Variants in ZNF558 observed in about 807,000 individuals in gnomAD.
The protein encoded by ZNF558 is zinc finger protein 558.
ZNF558 carries 23 observed loss-of-function variants against 37.6 expected under a neutral mutation model. That is an observed-to-expected ratio of 0.61 (90% CI 0.44 to 0.87). The LOEUF is 0.87. Among genes scored for constraint, ZNF558 ranks in the 40% least tolerant of loss-of-function variants. ZNF558 has a pLI of 0.00. For missense variants in ZNF558, 429 were observed against 483.7 expected (o/e 0.89, Z 1.06); for synonymous variants, 189 against 174.4 (o/e 1.08, Z -0.66).
chr19:8,825,706 G>A (rs1471265170), intron 2 of ZNF558, among the ~76,000 whole-genome samples: 1 of 152,058 alleles, frequency 6.6e-6, no homozygotes, highest in African/African-American at 2.4e-5. Flanking sequence ...AGGGATGGGG[G>A]CACTGGACAT....
chr19:8,836,116 CAA>C (rs1284448434), upstream of ZNF558, among the ~76,000 whole-genome samples: 1 of 151,988 alleles, frequency 6.6e-6, no homozygotes, highest in Non-Finnish European at 1.5e-5. Flanking sequence ...CCATTTTACA[CAA>C]AAGTGTAAAA....
intron 6 of ZNF558, 133 bp from the exon 7 acceptor site, chr19:8,821,439 C>A: frequency 6.4e-7 from 1 of 1,559,964 alleles, no homozygotes; most frequent in Non-Finnish European, 8.7e-7. Flanking sequence ...GTTCTGAGCT[C>A]ACCTCCCAGG....
chr19:8,824,802 A>G (rs1011979305), intron 3 of ZNF558, among the ~76,000 whole-genome samples, 200 bp downstream of exon 3: 1 of 152,106 alleles, frequency 6.6e-6, no homozygotes, highest in East Asian at 1.9e-4. Flanking sequence ...CTCAAGCCTG[A>G]TGTGGCATCT....
In ZNF558 at chr19:8,821,942, T is replaced by A; in HGVS notation, c.120+61A>T. The A allele has an allele frequency of 2.5e-6, 4 of 1,603,578 alleles. No homozygotes were observed. The South Asian group carries it at 4.5e-5, about 18-fold the overall frequency. On this transcript the variant is annotated intron_variant, in intron 6 of 9. Coordinates refer to ENST00000601372, the MANE Select transcript of ZNF558 (RefSeq NM_144693.3). Reference sequence around the variant, plus strand: ...CATGAGGCTCCAGGCTGCTGGAAGGTATCAAGTCCAACCTTCTGGCCAAAG... The same window carrying A: ...CATGAGGCTCCAGGCTGCTGGAAGGAATCAAGTCCAACCTTCTGGCCAAAG...
At chr19:8,826,620 GAAGC>G (rs1322776119) in intron 2 of ZNF558, among the ~76,000 whole-genome samples, 1 of 152,114 alleles carries the variant, frequency 6.6e-6, no homozygotes, top group East Asian at 1.9e-4. Context: ...AAATACAGAT[GAAGC>G]TTCGCTCACC....
chr19:8,814,350 C>A (rs955290763), intron 7 of ZNF558, among the ~76,000 whole-genome samples: 1 of 152,104 alleles, frequency 6.6e-6, no homozygotes, highest in East Asian at 1.9e-4. Context: ...ACTCCAAATT[C>A]TTTCAGGACT....
chr19:8,814,805 C>T (rs1490579575), intron 7 of ZNF558, among the ~76,000 whole-genome samples: 4 of 152,180 alleles, frequency 2.6e-5, no homozygotes, highest in Non-Finnish European at 5.9e-5. Context: ...AGAAAAGAGA[C>T]TTCGGTGGCC....
At chr19:8,817,877 T>C (rs1599266122) in intron 7 of ZNF558, among the ~76,000 whole-genome samples, 1 of 152,334 alleles carries the variant, frequency 6.6e-6, no homozygotes, top group African/African-American at 2.4e-5. Flanking sequence ...TAGAGTGTTC[T>C]ATAATAATCG....
chr19:8,811,953 G>C lies in ZNF558; in HGVS notation c.537C>G (p.Pro179=). Residue 179 remains proline (P), a synonymous_variant, in exon 10 of 10, where the codon CCC becomes CCG. Transcript: ENST00000601372. ...QHKRIHTGEK[P]YDCSQCGKSF... Reference sequence around the variant, plus strand: ...ACTTCCCACATTGACTACAGTCATAGGGTTTTTCTCCAGTATGAATTCTCT... The same window carrying C: ...ACTTCCCACATTGACTACAGTCATACGGTTTTTCTCCAGTATGAATTCTCT... 6.2e-7 allele frequency: 1 copy of C among 1,614,144 alleles called. No individual in the cohort carries two copies. The highest frequency in any genetic ancestry group is 2.2e-5 in the East Asian group (1 of 44,880).
Position 8,808,137 on chromosome 19 carries a change from C to T in ZNF558, c.*3144G>A, listed in dbSNP as rs1404979776. 1 of 152,088 alleles carries T rather than the reference C, an allele frequency of 6.6e-6. No homozygotes were observed. Among genetic ancestry groups the T allele is most frequent in the East Asian group, 1.9e-4 (1 of 5,198 alleles). The allele number at this position is 152,088 out of a possible 1,614,324, so 9.4% of individuals were successfully genotyped here. ...CCTGGCCAACATGGTGAAACCCCAT[C>T]TCTACTAAAAATATAAAAAAATTAC... On this transcript the variant is annotated 3_prime_UTR_variant, in exon 10 of 10. Transcript: ENST00000601372.
Position 8,822,237 on chromosome 19 carries a change from A to T in ZNF558, c.32-146T>A. ...ACGCTCCATGCAAACACCTACCCAC[A>T]GCTCTCCTAAGATACCCAAACACAG... On this transcript the variant is annotated intron_variant, in intron 5 of 9. Coordinates refer to ENST00000601372, the MANE Select transcript of ZNF558 (RefSeq NM_144693.3). The surrounding 1 kb of genome is among the most constrained non-coding windows in gnomAD (Gnocchi z 4.4). The T allele has an allele frequency of 1.1e-6, 1 of 950,174 alleles. No homozygotes were observed. The highest frequency in any genetic ancestry group is 1.7e-5 in the South Asian group (1 of 59,280). The allele number at this position is 950,174 out of a possible 1,614,324, so 58.9% of individuals were successfully genotyped here.
Position 8,816,866 on chromosome 19 carries a change from T to A in ZNF558, c.248-3644A>T, listed in dbSNP as rs148751197. On this transcript the variant is annotated intron_variant, in intron 7 of 9. Transcript: ENST00000601372. ...TCTACATTAATGGGCACACAATGCA[T>A]ACAGATGCAATTTGTGACAAAATTA... Among the ~76,000 whole-genome samples the A allele has an allele frequency of 5.4e-4, 83 of 152,322 alleles. 2 individuals carry two copies. In the East Asian group the frequency reaches 9.8e-3, roughly 18 times the overall value.
intron 2 of ZNF558, among the ~76,000 whole-genome samples, chr19:8,828,460 A>C (rs937183740): frequency 6.6e-6 from 1 of 152,212 alleles, no homozygotes; most frequent in Non-Finnish European, 1.5e-5. Flanking sequence ...CAGCCAGTTA[A>C]CATTTTCCTA....
intron 6 of ZNF558, 54 bp from the exon 7 acceptor site, chr19:8,821,360 A>C (rs1201903319): frequency 1.9e-6 from 3 of 1,613,956 alleles, no homozygotes; most frequent in African/African-American, 1.3e-5. Flanking sequence ...ACCAACGTGC[A>C]CAGGAAGAGG....
chr19:8,817,810 G>A (rs747709164), intron 7 of ZNF558, among the ~76,000 whole-genome samples: 5 of 152,112 alleles, frequency 3.3e-5, no homozygotes, highest in Non-Finnish European at 5.9e-5. Context: ...ACATATATGT[G>A]CCTAATAAGA....
Position 8,822,589 on chromosome 19 carries a change from A to C in ZNF558, c.31+40T>G. 1 of 1,613,720 alleles carries C rather than the reference A, an allele frequency of 6.2e-7. No homozygotes were observed. Among genetic ancestry groups the C allele is most frequent in the Admixed American group, 1.7e-5 (1 of 60,006 alleles). ...CCCATGCTGTGGGTCAGAACCTTTCAAGGCTGGACTCTGAGAAATGTCAGG... is the reference window on the plus strand; with the variant it reads ...CCCATGCTGTGGGTCAGAACCTTTCCAGGCTGGACTCTGAGAAATGTCAGG... On this transcript the variant is annotated intron_variant, in intron 5 of 9. Coordinates refer to ENST00000601372, the MANE Select transcript of ZNF558 (RefSeq NM_144693.3). The surrounding 1 kb of genome is among the most constrained non-coding windows in gnomAD (Gnocchi z 4.4).
At chr19:8,836,125 A>G (rs533003939), upstream of ZNF558, among the ~76,000 whole-genome samples, 25 of 152,334 alleles carry the variant, frequency 1.6e-4, no homozygotes, top group Non-Finnish European at 5.9e-5. Context: ...ACAAAAGTGT[A>G]AAAACTGTAC....
chr19:8,808,379 A>C lies in ZNF558; in HGVS notation c.*2902T>G, dbSNP rs2043720583. ...GCATTACAATACTTTGCTATGTAAA[A>C]ATATCATCTCCACATAAAAAGGAAT... is the stretch of plus-strand genomic sequence containing the variant. On this transcript the variant is annotated 3_prime_UTR_variant, in exon 10 of 10. Coordinates refer to ENST00000601372, the MANE Select transcript of ZNF558 (RefSeq NM_144693.3). The C allele has an allele frequency of 8.0e-6, 1 of 124,648 alleles. No individual in the cohort carries two copies. The highest frequency in any genetic ancestry group is 8.2e-5 in the Admixed American group (1 of 12,264). The allele number at this position is 124,648 out of a possible 1,614,324, so 7.7% of individuals were successfully genotyped here.
chr19:8,821,977 T>C (rs1244237873), intron 6 of ZNF558, 26 bp downstream of exon 6: 33 of 1,613,104 alleles, frequency 2.0e-5, no homozygotes, highest in Non-Finnish European at 2.7e-5. Flanking sequence ...GGAATAATGA[T>C]TTGGGAAAAG....
Sources: gnomAD v4.1 joint callset for allele counts (sites outside exome capture counted in the v4.1 genomes callset) on GRCh38, gnomAD v4.1.1 for gene constraint, Gnocchi (gnomAD v3.1) non-coding constraint, MANE v1.5 for transcripts, NCBI Gene and HGNC (gene_info 2026-07-23, HGNC 2026-07-21) for gene names.